CYP2C8: variants seen among roughly 807,000 people sequenced by gnomAD.
CYP2C8 encodes cytochrome P450 2C8.
CYP2C8 carries 51 observed loss-of-function variants against 41.3 expected under a neutral mutation model. The observed-to-expected ratio is 1.24, with a 90% CI of 0.99 to 1.56. The LOEUF (loss-of-function observed/expected upper bound fraction) is 1.56. Ranked by LOEUF, CYP2C8 falls within the 40% of genes most tolerant of loss-of-function variation. CYP2C8 has a pLI of 0.00. For synonymous variants in CYP2C8, 218 were observed against 205.8 expected (o/e 1.06, Z -0.51); for missense variants, 651 against 579.9 (o/e 1.12, Z -1.26).
At chr10:95,061,879 G>A (rs985521102) in intron 4 of CYP2C8, among the ~76,000 whole-genome samples, 4 of 152,146 alleles carry the variant, frequency 2.6e-5, no homozygotes, top group African/African-American at 4.8e-5. Flanking sequence ...CTTTATTTCT[G>A]CCTTCATTTC....
intron 5 of CYP2C8, among the ~76,000 whole-genome samples, chr10:95,057,319 G>T (rs11188157): frequency 0.22 from 32,986 of 152,028 alleles, 4,050 homozygotes; most frequent in Non-Finnish European, 0.29. Context: ...TACCATTAAA[G>T]TGTACACTTT....
intron 4 of CYP2C8, among the ~76,000 whole-genome samples, chr10:95,059,669 T>A (rs951651967): frequency 6.6e-6 from 1 of 152,232 alleles, no homozygotes; most frequent in African/African-American, 2.4e-5. Flanking sequence ...TTGTCAATTT[T>A]GGCTTTTGTT....
chr10:95,058,719 G>C (rs889846408), intron 4 of CYP2C8, among the ~76,000 whole-genome samples: 7 of 152,072 alleles, frequency 4.6e-5, no homozygotes, highest in African/African-American at 1.4e-4. Flanking sequence ...ATGTATACAT[G>C]TGCCAGGTTG....
At position 95,069,315 on chromosome 10, in the gene CYP2C8, G is replaced by T. The variant is rs776380824; in HGVS notation, c.88C>A (p.Pro30Thr). The change falls in exon 1 of 9, where the codon CCT becomes ACT. Residue 30 changes from proline (P) to threonine (T), a missense_variant. Transcript: ENST00000371270. ...ATAGGAAGAGGAGTGGGGCCAGGAG[G>T]GAGCTTCCTTCTCCTACAGCTCTGT... is the stretch of plus-strand genomic sequence containing the variant. ...WRQSCRRRKL[P>T]PGPTPLPIIG... 7.4e-6 allele frequency: 12 copies of T among 1,613,922 alleles called. No individual in the cohort carries two copies. In the African/African-American group the frequency reaches 1.3e-4, roughly 18 times the overall value.
chr10:95,052,789 A>G (rs1242760894), intron 5 of CYP2C8, among the ~76,000 whole-genome samples: 1 of 152,164 alleles, frequency 6.6e-6, no homozygotes, highest in Admixed American at 6.5e-5. Context: ...TAGAAGGAAC[A>G]TACCTCACCA....
chr10:95,041,962 T>C (rs887973134), intron 7 of CYP2C8, among the ~76,000 whole-genome samples: 2 of 152,206 alleles, frequency 1.3e-5, no homozygotes, highest in African/African-American at 2.4e-5. Context: ...ACCAACTATC[T>C]GTTTCATAAC....
chr10:95,043,011 C>A lies in CYP2C8; in HGVS notation c.1028G>T (p.Ser343Ile), dbSNP rs148442781. The A allele has an allele frequency of 1.1e-4, 175 of 1,614,028 alleles. No homozygotes were observed. Among genetic ancestry groups the A allele is most frequent in the Middle Eastern group, 9.9e-4 (6 of 6,084 alleles). Residue 343 changes from serine to isoleucine, a missense_variant, in exon 7 of 9, where the codon AGC becomes ATC. Coordinates refer to ENST00000371270, the MANE Select transcript of CYP2C8 (RefSeq NM_000770.3). ...RHRSPCMQDR[S>I]HMPYTDAVVH... Reference sequence around the variant, plus strand: ...TACAGCATCAGTGTAAGGCATGTGGCTCCTATCCTGCATGCAGGGGCTCCT... The same window carrying A: ...TACAGCATCAGTGTAAGGCATGTGGATCCTATCCTGCATGCAGGGGCTCCT...
rs753831371 is a variant in CYP2C8 at position 95,064,933 on chromosome 10, A to G, written c.509T>C (p.Leu170Pro). The G allele has an allele frequency of 6.3e-7, 1 of 1,593,226 alleles. No homozygotes were observed. The highest frequency in any genetic ancestry group is 1.2e-5 in the South Asian group (1 of 85,856). ...KASPCDPTFI[L>P]GCAPCNVICS... Reference sequence around the variant, plus strand: ...GATCACATTGCAGGGAGCACAGCCCAGGATGAAAGTGGGATCACAGGGTGA... The same window carrying G: ...GATCACATTGCAGGGAGCACAGCCCGGGATGAAAGTGGGATCACAGGGTGA... Residue 170 changes from leucine to proline, a missense_variant, in exon 4 of 9, where the codon CTG becomes CCG. Leu to Pro is a moderately conservative substitution (Grantham distance 98). Coordinates refer to ENST00000371270, the MANE Select transcript of CYP2C8 (RefSeq NM_000770.3).
At chr10:95,055,122 G>C (rs2033291767) in intron 5 of CYP2C8, among the ~76,000 whole-genome samples, 1 of 151,946 alleles carries the variant, frequency 6.6e-6, no homozygotes, top group Non-Finnish European at 1.5e-5. Context: ...ATTTTTATTT[G>C]TGCAAAAATG....
At chr10:95,048,250 T>A (rs1172014167) in intron 5 of CYP2C8, among the ~76,000 whole-genome samples, 2 of 152,228 alleles carry the variant, frequency 1.3e-5, no homozygotes, top group African/African-American at 4.8e-5. Flanking sequence ...CTTCTGAGGA[T>A]AATTGAACAT....
chr10:95,045,454 A>G (rs1206490183), intron 6 of CYP2C8, among the ~76,000 whole-genome samples: 1 of 152,168 alleles, frequency 6.6e-6, no homozygotes, highest in Non-Finnish European at 1.5e-5. Context: ...GGAATTTTTA[A>G]AATGAGAAAT....
intron 4 of CYP2C8, among the ~76,000 whole-genome samples, chr10:95,062,086 T>C (rs1015166071): frequency 1.3e-5 from 2 of 152,120 alleles, no homozygotes; most frequent in Non-Finnish European, 2.9e-5. Context: ...GGAATAAGTG[T>C]GGTGTGGTGC....
Position 95,053,415 on chromosome 10 carries a change from T to C in CYP2C8, c.819+4920A>G, listed in dbSNP as rs11593160. ...ATTTGACCCAGCAATCCCATTACTG[T>C]GTATATACTCAAAGGATTATAAATC... On this transcript the variant is annotated intron_variant, in intron 5 of 8. Transcript: ENST00000371270. 2.0e-4 allele frequency among the ~76,000 whole-genome samples: 31 copies of C among 152,086 alleles called. No homozygotes were observed. The East Asian group carries it at 5.2e-3, about 26-fold the overall frequency.
In CYP2C8 at chr10:95,067,536, T is replaced by G; in HGVS notation, c.324A>C (p.Lys108Asn). Reference protein sequence around the residue: ...GNSPISQRITKGLGIISSNGK... With the variant: ...GNSPISQRITNGLGIISSNGK... Reference sequence around the variant, plus strand: ...AGAAATATGTGCACCTACCAAGTCCTTTAGTAATTCTTTGAGATATTGGGG... The same window carrying G: ...AGAAATATGTGCACCTACCAAGTCCGTTAGTAATTCTTTGAGATATTGGGG... The change falls in exon 2 of 9, where the codon AAA becomes AAC. Residue 108 changes from lysine (K) to asparagine (N), a missense_variant. By Grantham distance (94) the Lys-to-Asn change is moderately conservative (BLOSUM62 0). Transcript: ENST00000371270. 6.2e-7 allele frequency: 1 copy of G among 1,614,106 alleles called. No homozygotes were observed. Among genetic ancestry groups the G allele is most frequent in the Middle Eastern group, 1.7e-4 (1 of 6,060 alleles).
chr10:95,063,910 C>T (rs918674015), intron 4 of CYP2C8, among the ~76,000 whole-genome samples: 8 of 152,200 alleles, frequency 5.3e-5, no homozygotes, highest in African/African-American at 1.9e-4. Flanking sequence ...ACCCTGTTTG[C>T]CTGGGTATCA....
At chr10:95,048,463 C>T (rs1478953298) in intron 5 of CYP2C8, among the ~76,000 whole-genome samples, 2 of 152,146 alleles carry the variant, frequency 1.3e-5, no homozygotes, top group African/African-American at 4.8e-5. Flanking sequence ...GTGACATAGA[C>T]TTTGTAAGAT....
At chr10:95,053,241 G>A (rs1035563149) in intron 5 of CYP2C8, among the ~76,000 whole-genome samples, 1 of 152,198 alleles carries the variant, frequency 6.6e-6, no homozygotes, top group Admixed American at 6.5e-5. Flanking sequence ...AGTTAGAATG[G>A]TGATCATTAA....
chr10:95,067,448 T>C (rs752864377), intron 2 of CYP2C8, 81 bp downstream of exon 2: 1 of 1,613,326 alleles, frequency 6.2e-7, no homozygotes, highest in Non-Finnish European at 8.5e-7. Flanking sequence ...GGCTAAGCTC[T>C]GCTGAGAAGC....
rs1248176109 is a variant in CYP2C8, at chr10:95,069,274, T to G, written c.129A>C (p.Leu43=). The change falls in exon 1 of 9, where the codon CTA becomes CTC. Residue 43 remains leucine (L), a synonymous_variant. Coordinates refer to ENST00000371270, the MANE Select transcript of CYP2C8 (RefSeq NM_000770.3). ...PTPLPIIGNM[L]QIDVKDICKS... is the part of the protein sequence containing the mutation. ...TGCAGATGTCCTTAACATCTATCTG[T>G]AGCATATTTCCAATAATAGGAAGAG... 6.2e-7 allele frequency: 1 copy of G among 1,613,964 alleles called. No individual in the cohort carries two copies. The highest frequency in any genetic ancestry group is 1.3e-5 in the African/African-American group (1 of 74,906).
Sources: gnomAD v4.1 joint callset for allele counts (sites outside exome capture counted in the v4.1 genomes callset) on GRCh38, gnomAD v4.1.1 for gene constraint, MANE v1.5 for transcripts, NCBI Gene and HGNC (gene_info 2026-07-23, HGNC 2026-07-21) for gene names.